Variants in OLFML2B observed in about 807,000 individuals in gnomAD.
OLFML2B encodes the protein olfactomedin-like protein 2B.
In OLFML2B, 57 loss-of-function variants were observed where a neutral mutation model predicts 74.9. The observed-to-expected ratio is 0.76, with a 90% CI of 0.61 to 0.95. The LOEUF (loss-of-function observed/expected upper bound fraction) is 0.95, where lower values mean the gene tolerates loss of function less well. Among genes scored for constraint, OLFML2B ranks in the 40% least tolerant of loss-of-function variants. OLFML2B has a pLI of 0.00. For missense variants in OLFML2B, 986 were observed against 970.6 expected (o/e 1.02, Z -0.21); for synonymous variants, 388 against 405.8 (o/e 0.96, Z 0.53).
Position 161,983,476 on chromosome 1 carries a change from G to C in OLFML2B, c.*199C>G. 2 of 533,504 alleles carry C rather than the reference G, an allele frequency of 3.7e-6. No individual in the cohort carries two copies. Among genetic ancestry groups the C allele is most frequent in the Non-Finnish European group, 6.4e-6 (2 of 313,448 alleles). 33.0% of individuals were successfully genotyped at this position (533,504 alleles called of 1,614,324 possible). A position where few individuals can be genotyped will look rare whatever the true frequency, so the allele number is the denominator to read the frequency against. ...CAAAAATATAAACTGGGGAGGATGA[G>C]ACCAGCACATACACGTATGGATTGA... is the stretch of plus-strand genomic sequence containing the variant. On this transcript the variant is annotated 3_prime_UTR_variant, in exon 8 of 8. Coordinates refer to ENST00000294794, the MANE Select transcript of OLFML2B (RefSeq NM_015441.3).
At position 161,997,979 on chromosome 1, in the gene OLFML2B, C is replaced by T. The variant is rs372302317; in HGVS notation, c.1320G>A (p.Arg440=). ...AAPAPPAVSP[R]EALMEAMHTV... is the part of the protein sequence containing the mutation. ...TGTGCATAGCTTCCATCAATGCCTC[C>T]CTGGGAGACACTGCCGGAGGAGCTG... is the stretch of plus-strand genomic sequence containing the variant. Residue 440 remains arginine, a synonymous_variant, in exon 6 of 8, where the codon AGG becomes AGA. Transcript: ENST00000294794. The T allele has an allele frequency of 1.2e-6, 2 of 1,614,194 alleles. No individual in the cohort carries two copies. The highest frequency in any genetic ancestry group is 1.1e-5 in the South Asian group (1 of 91,074).
intron 6 of OLFML2B, among the ~76,000 whole-genome samples, chr1:161,990,637 G>C (rs925338691): frequency 1.4e-4 from 21 of 152,200 alleles, no homozygotes; most frequent in African/African-American, 5.1e-4. Context: ...GATGGCTGCT[G>C]ATTGATCAGA....
At chr1:162,016,534 C>T (rs539242034) in intron 3 of OLFML2B, among the ~76,000 whole-genome samples, 1 of 152,164 alleles carries the variant, frequency 6.6e-6, no homozygotes, top group Non-Finnish European at 1.5e-5. Flanking sequence ...ATGCTGTAAA[C>T]ATTAAAGAAA....
Position 161,983,612 on chromosome 1 carries a change from G to T in OLFML2B, c.*63C>A. On this transcript the variant is annotated 3_prime_UTR_variant, in exon 8 of 8. Transcript: ENST00000294794. ...CATACCCACCTACACACACGTGCGC[G>T]CACACACATACACACAAGGTGCTAG... 1 of 1,530,496 alleles carries T rather than the reference G, an allele frequency of 6.5e-7. No individual in the cohort carries two copies. 94.8% of individuals were successfully genotyped at this position (1,530,496 alleles called of 1,614,324 possible).
At chr1:161,999,982 A>G in intron 5 of OLFML2B, 131 bp downstream of exon 5, 1 of 716,410 alleles carries the variant, frequency 1.4e-6, no homozygotes, top group South Asian at 1.9e-5. Flanking sequence ...TCTGGATAAC[A>G]GGGCCACAGC....
chr1:161,984,950 G>T lies in OLFML2B; in HGVS notation c.1505C>A (p.Thr502Lys), dbSNP rs556665283. The part of the protein sequence containing the change: ...GRCKDTLSTI[T>K]GPTTQNTYGR... ...ATATGTGTTCTGGGTGGTCGGCCCC[G>T]TGATTGTGGAGAGAGTGTCCTTGCA... The change falls in exon 7 of 8, where the codon ACG becomes AAG. Residue 502 changes from threonine to lysine, a missense_variant. Physicochemically the swap from Thr to Lys is moderately conservative, Grantham distance 78. Transcript: ENST00000294794. 6.2e-7 allele frequency: 1 copy of T among 1,610,830 alleles called. No homozygotes were observed. The highest frequency in any genetic ancestry group is 8.5e-7 in the Non-Finnish European group (1 of 1,179,130).
intron 1 of OLFML2B, among the ~76,000 whole-genome samples, chr1:162,021,413 G>A (rs1331786396): frequency 6.6e-6 from 1 of 152,212 alleles, no homozygotes; most frequent in African/African-American, 2.4e-5. Context: ...CGCTTGCTGG[G>A]AAAAGGCTCT....
chr1:161,994,559 A>G (rs574307492), intron 6 of OLFML2B, among the ~76,000 whole-genome samples: 1 of 152,350 alleles, frequency 6.6e-6, no homozygotes, highest in South Asian at 2.1e-4. Flanking sequence ...AAAGTCTGGG[A>G]ATCTGCAGAG....
At chr1:162,016,486 T>G (rs1005415485) in intron 3 of OLFML2B, among the ~76,000 whole-genome samples, 1 of 152,224 alleles carries the variant, frequency 6.6e-6, no homozygotes, top group African/African-American at 2.4e-5. Context: ...ATTGATATGT[T>G]TACAGTCATT....
rs1464467312 is a variant in OLFML2B, at chr1:162,023,298, G to T, written c.133C>A (p.Leu45Met). Residue 45 changes from leucine (L) to methionine (M), a missense_variant, in exon 1 of 8, where the codon CTG becomes ATG. Transcript: ENST00000294794. ...QTVAPAEDETLQNEADNQENV... is the reference protein window; with the variant it reads ...QTVAPAEDETMQNEADNQENV... ...TCCTGGTTGTCCGCCTCGTTTTGCA[G>T]AGTCTCGTCCTCCGCAGGCGCCACT... is the stretch of plus-strand genomic sequence containing the variant. 6.3e-7 allele frequency: 1 copy of T among 1,584,080 alleles called. No homozygotes were observed. The highest frequency in any genetic ancestry group is 8.6e-7 in the Non-Finnish European group (1 of 1,161,668).
chr1:162,023,569 C>T lies in OLFML2B; in HGVS notation c.-139G>A. 1 of 818,140 alleles carries T rather than the reference C, an allele frequency of 1.2e-6. No homozygotes were observed. Among genetic ancestry groups the T allele is most frequent in the African/African-American group, 1.8e-5 (1 of 56,600 alleles). The allele number at this position is 818,140 out of a possible 1,614,324, so 50.7% of individuals were successfully genotyped here. A position where few individuals can be genotyped will look rare whatever the true frequency, so the allele number is the denominator to read the frequency against. The stretch of plus-strand genomic sequence containing the variant: ...GAGCACCTTCTAAAGCTGGGTGCGG[C>T]TGAGCGGGACGGGAGGGTGCGCCCC... On this transcript the variant is annotated 5_prime_UTR_variant, in exon 1 of 8. Coordinates refer to ENST00000294794, the MANE Select transcript of OLFML2B (RefSeq NM_015441.3).
At chr1:162,016,612 C>T (rs1275263601) in intron 3 of OLFML2B, among the ~76,000 whole-genome samples, 4 of 152,146 alleles carry the variant, frequency 2.6e-5, no homozygotes, top group Non-Finnish European at 4.4e-5. Context: ...GAACCAGGTG[C>T]GAGTCAATGA....
In OLFML2B at chr1:161,984,839, A is replaced by G. The variant is rs1269134039; in HGVS notation, c.1616T>C (p.Leu539Pro). 6.2e-7 allele frequency: 1 copy of G among 1,613,048 alleles called. No individual in the cohort carries two copies. Among genetic ancestry groups the G allele is most frequent in the African/African-American group, 1.3e-5 (1 of 74,572 alleles). Residue 539 changes from leucine (L) to proline (P), a missense_variant, in exon 7 of 8, where the codon CTG becomes CCG. Physicochemically the swap from Leu to Pro is moderately conservative, Grantham distance 98 (BLOSUM62 -3). Transcript: ENST00000294794. ...GTTCTCCAGGTTCCGGAACTCTACCAGGGTGTTGCCGTAGTAATAGTTGGT... is the reference window on the plus strand; with the variant it reads ...GTTCTCCAGGTTCCGGAACTCTACCGGGGTGTTGCCGTAGTAATAGTTGGT... ...YVTNYYYGNT[L>P]VEFRNLENFK...
In OLFML2B at chr1:161,983,598, A is replaced by C. The variant is rs1453517087; in HGVS notation, c.*77T>G. The C allele has an allele frequency of 6.8e-7, 1 of 1,463,452 alleles. No homozygotes were observed. Among genetic ancestry groups the C allele is most frequent in the Non-Finnish European group, 9.3e-7 (1 of 1,078,032 alleles). 90.7% of individuals were successfully genotyped at this position (1,463,452 alleles called of 1,614,324 possible). The stretch of plus-strand genomic sequence containing the variant: ...ATTTTTAAACAACACATACCCACCT[A>C]CACACACGTGCGCGCACACACATAC... On this transcript the variant is annotated 3_prime_UTR_variant, in exon 8 of 8. Coordinates refer to ENST00000294794, the MANE Select transcript of OLFML2B (RefSeq NM_015441.3).
chr1:161,984,322 G>A (rs752061808), intron 7 of OLFML2B, 46 bp from the exon 8 acceptor site: 3 of 1,510,492 alleles, frequency 2.0e-6, no homozygotes, highest in African/African-American at 1.4e-5. Flanking sequence ...GCATGGCAGA[G>A]GGTGGGCAGC....
At chr1:162,012,611 G>C (rs915959303) in intron 3 of OLFML2B, among the ~76,000 whole-genome samples, 1 of 152,196 alleles carries the variant, frequency 6.6e-6, no homozygotes, top group Non-Finnish European at 1.5e-5. Flanking sequence ...GCAAATTCCA[G>C]CAGGTAGATT....
Position 161,999,060 on chromosome 1 carries a change from G to A in OLFML2B, c.950-711C>T, listed in dbSNP as rs554987220. Reference sequence around the variant, plus strand: ...TGACTGAAGCAGAGGCAAGGTCACAGTGAGGACAGGCGCTGGGCATGCATG... The same window carrying A: ...TGACTGAAGCAGAGGCAAGGTCACAATGAGGACAGGCGCTGGGCATGCATG... On this transcript the variant is annotated intron_variant, in intron 5 of 7. Coordinates refer to ENST00000294794, the MANE Select transcript of OLFML2B (RefSeq NM_015441.3). Among the ~76,000 whole-genome samples, 6 of 152,336 alleles carry A rather than the reference G, an allele frequency of 3.9e-5. No homozygotes were observed. The South Asian group carries it at 1.2e-3, about 32-fold the overall frequency.
Position 162,006,337 on chromosome 1 carries a change from G to A in OLFML2B, c.683C>T (p.Ala228Val), listed in dbSNP as rs773377314. 10 of 1,611,498 alleles carry A rather than the reference G, an allele frequency of 6.2e-6. No individual in the cohort carries two copies. The South Asian group carries it at 1.1e-4, about 18-fold the overall frequency. ...ILDSMPDIRS[A>V]LQRDAAAAYA... ...GGCTGCTGCTGCATCCCTCTGCAGG[G>A]CTGAGCGGATGTCTGGCATGCTATC... is the stretch of plus-strand genomic sequence containing the variant. Residue 228 changes from alanine (A) to valine (V), a missense_variant, in exon 4 of 8, where the codon GCC becomes GTC. By Grantham distance (64) the Ala-to-Val change is moderately conservative. Transcript: ENST00000294794.
rs776676652 is a variant in OLFML2B at position 161,984,967 on chromosome 1, G to C, written c.1488C>G (p.Asp496Glu). 1.9e-6 allele frequency: 3 copies of C among 1,607,794 alleles called. No homozygotes were observed. The highest frequency in any genetic ancestry group is 1.7e-6 in the Non-Finnish European group (2 of 1,178,030). The change falls in exon 7 of 8, where the codon GAC (aspartate) becomes GAG (glutamate). Residue 496 changes from aspartate (D) to glutamate (E), a missense_variant. Physicochemically the swap from Asp to Glu is conservative, Grantham distance 45. Coordinates refer to ENST00000294794, the MANE Select transcript of OLFML2B (RefSeq NM_015441.3). ...DIRNVIGRCK[D>E]TLSTITGPTT... is the part of the protein sequence containing the mutation. ...TCGGCCCCGTGATTGTGGAGAGAGT[G>C]TCCTTGCACCTTCCTGGTGGAGAAG...
Sources: gnomAD v4.1 joint callset for allele counts (sites outside exome capture counted in the v4.1 genomes callset) on GRCh38, gnomAD v4.1.1 for gene constraint, MANE v1.5 for transcripts, NCBI Gene and HGNC (gene_info 2026-07-23, HGNC 2026-07-21) for gene names.